UNC45B: variants seen among roughly 807,000 people sequenced by gnomAD.
UNC45B encodes the protein protein unc-45 homolog B.
A neutral mutation model predicts 98.7 loss-of-function variants in UNC45B; 78 were observed. That is an observed-to-expected ratio of 0.79 (90% CI 0.66 to 0.95). UNC45B has a LOEUF of 0.95. Among genes scored for constraint, UNC45B ranks in the 40% least tolerant of loss-of-function variants. UNC45B has a pLI of 0.00. For synonymous variants in UNC45B, 462 were observed against 480.4 expected (o/e 0.96, Z 0.50); for missense variants, 1,225 against 1,184.9 (o/e 1.03, Z -0.50).
rs746851997 is a variant in UNC45B at position 35,148,381 on chromosome 17, G to A, written c.118G>A (p.Ala40Thr). 1 of 1,614,080 alleles carries A rather than the reference G, an allele frequency of 6.2e-7. No individual in the cohort carries two copies. Among genetic ancestry groups the A allele is most frequent in the African/African-American group, 1.3e-5 (1 of 75,052 alleles). Residue 40 changes from alanine to threonine, a missense_variant, in exon 2 of 20, where the codon GCC (alanine) becomes ACC (threonine). Coordinates refer to ENST00000394570, the MANE Select transcript of UNC45B (RefSeq NM_001267052.2). ...GGCCCTGAAGCTGACCAAGGACAAGGCCCTGCTGGCCACGCTTTATCGGAA... is the reference window on the plus strand; with the variant it reads ...GGCCCTGAAGCTGACCAAGGACAAGACCCTGCTGGCCACGCTTTATCGGAA... ...SQALKLTKDK[A>T]LLATLYRNRA...
intron 9 of UNC45B, among the ~76,000 whole-genome samples, chr17:35,166,398 C>T (rs2092141503): frequency 6.6e-6 from 1 of 152,142 alleles, no homozygotes; most frequent in Non-Finnish European, 1.5e-5. Context: ...CTTTCTCTAC[C>T]TCAGTTTCAA....
intron 17 of UNC45B, 38 bp downstream of exon 17, chr17:35,177,648 G>T (rs2092244704): frequency 1.4e-6 from 2 of 1,454,436 alleles, no homozygotes; most frequent in African/African-American, 1.4e-5. Context: ...GAGAGAGGTG[G>T]CTCAAAAAGT....
rs1213103761 is a variant in UNC45B at position 35,148,308 on chromosome 17, GC to G, written c.46del (p.His16IlefsTer18). On this transcript the variant is annotated frameshift_variant, in exon 2 of 20. Coordinates refer to ENST00000394570, the MANE Select transcript of UNC45B (RefSeq NM_001267052.2). LOFTEE classifies it high-confidence loss of function. ...TACAGCTGAAGGAGGAAGGAAACCG[GC>G]ATTTCCAGCTCCAGGACTACAAGGC... Reference protein sequence around the residue: ...AVQLKEEGNRHFQLQDYKAAT... With the variant: ...AVQLKEEGNRXFQLQDYKAAT... The G allele has an allele frequency of 6.2e-7, 1 of 1,614,016 alleles. No homozygotes were observed. The highest frequency in any genetic ancestry group is 8.5e-7 in the Non-Finnish European group (1 of 1,180,004).
At position 35,189,020 on chromosome 17, in the gene UNC45B, A is replaced by C. The variant is rs1318407812; in HGVS notation, c.*2461A>C. 2 of 152,166 alleles carry C rather than the reference A, an allele frequency of 1.3e-5. No individual in the cohort carries two copies. Among genetic ancestry groups the C allele is most frequent in the Admixed American group, 6.5e-5 (1 of 15,276 alleles). 9.4% of individuals were successfully genotyped at this position (152,166 alleles called of 1,614,324 possible). On this transcript the variant is annotated 3_prime_UTR_variant, in exon 20 of 20. Coordinates refer to ENST00000394570, the MANE Select transcript of UNC45B (RefSeq NM_001267052.2). ...CTTTATTGAGGTAGTTTGCCCAAAA[A>C]CAGCAAGGAACAGCCAATACCTGCC...
At chr17:35,154,541 C>T (rs200069142) in intron 5 of UNC45B, 33 bp from the exon 6 acceptor site, 118 of 1,599,358 alleles carry the variant, frequency 7.4e-5, no homozygotes, top group Non-Finnish European at 9.7e-5. Context: ...GCCGTACCTC[C>T]CTCGTAACCC....
At chr17:35,183,756 T>G (rs1365701160) in intron 19 of UNC45B, among the ~76,000 whole-genome samples, 174 bp downstream of exon 19, 1 of 152,214 alleles carries the variant, frequency 6.6e-6, no homozygotes, top group Non-Finnish European at 1.5e-5. Context: ...TTCAGTGCCT[T>G]ACATTCATTA....
intron 9 of UNC45B, 119 bp downstream of exon 9, chr17:35,164,285 C>T: frequency 4.7e-6 from 6 of 1,273,770 alleles, no homozygotes; most frequent in Non-Finnish European, 6.3e-6. Flanking sequence ...CACACCAGAA[C>T]AGAAATTTGG....
At chr17:35,155,043 C>T (rs920905342) in intron 6 of UNC45B, among the ~76,000 whole-genome samples, 5 of 152,220 alleles carry the variant, frequency 3.3e-5, no homozygotes, top group Admixed American at 6.5e-5. Flanking sequence ...GTCCTGCCAC[C>T]GTGCAAGAGC....
chr17:35,159,639 G>T, intron 8 of UNC45B, 94 bp downstream of exon 8: 1 of 1,396,440 alleles, frequency 7.2e-7, no homozygotes. Context: ...CTCTTGAAGG[G>T]GTCTTCAGTT....
chr17:35,166,086 T>TAAAAAAAAAAAAAAAAA (rs55844448), intron 9 of UNC45B, among the ~76,000 whole-genome samples: 4 of 58,110 alleles, frequency 6.9e-5, no homozygotes, highest in African/African-American at 1.4e-4. Flanking sequence ...CCCTCATCTC[T>TAAAAAAAAAAAAAAAAA]AAAAAAAAAA....
intron 17 of UNC45B, among the ~76,000 whole-genome samples, chr17:35,178,190 G>C (rs1020877426): frequency 6.6e-6 from 1 of 152,088 alleles, no homozygotes; most frequent in African/African-American, 2.4e-5. Flanking sequence ...GTGAGCCACC[G>C]CACCCAGCCA....
intron 5 of UNC45B, 145 bp from the exon 6 acceptor site, chr17:35,154,429 C>A: frequency 1.4e-6 from 1 of 722,048 alleles, no homozygotes; most frequent in South Asian, 2.3e-5. Flanking sequence ...GGCTGTGTTT[C>A]CAGGAGGAGG....
rs1427151490 is a variant in UNC45B, at chr17:35,177,503, G to A, written c.2148G>A (p.Glu716=). ...TGACCCCTCCCCAACAGGTGTATGA[G>A]GTGGTGCGGCCCCTTGTAAGACTCT... ...DIAFPGERVY[E]VVRPLVRLLD... Residue 716 remains glutamate, a synonymous_variant, in exon 17 of 20, where the codon GAG becomes GAA. Coordinates refer to ENST00000394570, the MANE Select transcript of UNC45B (RefSeq NM_001267052.2). The A allele has an allele frequency of 6.4e-7, 1 of 1,560,670 alleles. No individual in the cohort carries two copies. The highest frequency in any genetic ancestry group is 2.4e-5 in the East Asian group (1 of 41,620).
chr17:35,168,216 C>T lies in UNC45B; in HGVS notation c.1307C>T (p.Thr436Met), dbSNP rs137920578. 5.1e-5 allele frequency: 82 copies of T among 1,595,760 alleles called. No homozygotes were observed. Among genetic ancestry groups the T allele is most frequent in the African/African-American group, 6.8e-5 (5 of 73,992 alleles). ...GCACTATGTGGCTCAGAGCGCGAGACGGACCAGCTGGTGGCCGTGGAGGCC... is the reference window on the plus strand; with the variant it reads ...GCACTATGTGGCTCAGAGCGCGAGATGGACCAGCTGGTGGCCGTGGAGGCC... Reference protein sequence around the residue: ...MVALCGSERETDQLVAVEALI... With the variant: ...MVALCGSEREMDQLVAVEALI... The change falls in exon 10 of 20, where the codon ACG (threonine) becomes ATG (methionine). Residue 436 changes from threonine (T) to methionine (M), a missense_variant. Thr to Met is a moderately conservative substitution (Grantham distance 81, BLOSUM62 -1). Coordinates refer to ENST00000394570, the MANE Select transcript of UNC45B (RefSeq NM_001267052.2).
chr17:35,184,259 G>A (rs1234885188), intron 19 of UNC45B, among the ~76,000 whole-genome samples: 1 of 152,178 alleles, frequency 6.6e-6, no homozygotes, highest in African/African-American at 2.4e-5. Context: ...CGTTGTCCTG[G>A]CATCTGGCAA....
intron 4 of UNC45B, among the ~76,000 whole-genome samples, chr17:35,151,774 C>T (rs1019068018): frequency 1.3e-5 from 2 of 152,112 alleles, no homozygotes; most frequent in South Asian, 2.1e-4. Context: ...GAGGGATAGG[C>T]GAAGGAAAGA....
intron 18 of UNC45B, among the ~76,000 whole-genome samples, chr17:35,182,394 G>A (rs1475349665): frequency 2.0e-5 from 3 of 151,914 alleles, no homozygotes; most frequent in Non-Finnish European, 1.5e-5. Context: ...CGGCCGGGTG[G>A]CTCACTTTCA....
intron 7 of UNC45B, 89 bp downstream of exon 7, chr17:35,155,553 G>C (rs1187268149): frequency 1.4e-6 from 2 of 1,391,494 alleles, no homozygotes; most frequent in South Asian, 2.6e-5. Context: ...TGTATGTGGG[G>C]GTGGCTTGGT....
intron 17 of UNC45B, among the ~76,000 whole-genome samples, chr17:35,180,356 A>C (rs922977493): frequency 1.3e-5 from 2 of 151,996 alleles, no homozygotes; most frequent in South Asian, 4.2e-4. Context: ...TGCTGTGGCC[A>C]GGATGCCATG....
Sources: allele counts gnomAD v4.1 joint callset (sites outside exome capture counted in the v4.1 genomes callset), GRCh38; gene constraint gnomAD v4.1.1; transcripts MANE v1.5; gene names NCBI Gene and HGNC (gene_info 2026-07-23, HGNC 2026-07-21).